Variants in RBKS observed in about 807,000 individuals in gnomAD.
The protein encoded by RBKS is ribokinase.
RBKS carries 33 observed loss-of-function variants against 33.9 expected under a neutral mutation model. The observed-to-expected ratio is 0.97, with a 90% CI of 0.74 to 1.30. The LOEUF is 1.30. Among genes scored for constraint, RBKS ranks in the 50% most tolerant of loss-of-function variants. RBKS has a pLI of 0.00. For missense variants in RBKS, 361 were observed against 392.6 expected, an observed-to-expected ratio of 0.92 and a Z score of 0.68; for synonymous variants, 125 against 143.0, an observed-to-expected ratio of 0.87 and a Z score of 0.90.
intron 5 of RBKS, 99 bp downstream of exon 5, chr2:27,842,968 C>A: frequency 1.2e-6 from 1 of 848,666 alleles, no homozygotes; most frequent in South Asian, 2.8e-5. Context: ...GAATATTTTA[C>A]GACAGAAAGA....
chr2:27,859,730 A>C (rs1335973333), intron 1 of RBKS, among the ~76,000 whole-genome samples: 1 of 152,240 alleles, frequency 6.6e-6, no homozygotes, highest in Non-Finnish European at 1.5e-5. Flanking sequence ...TTAGATAGGA[A>C]AGAAAGGTAA....
At chr2:27,875,998 T>G (rs1246535683) in intron 1 of RBKS, among the ~76,000 whole-genome samples, 1 of 152,158 alleles carries the variant, frequency 6.6e-6, no homozygotes, top group African/African-American at 2.4e-5. Context: ...GTGAGTAAGA[T>G]GCAGAATAGG....
chr2:27,807,905 GAA>G (rs1422428411), intron 7 of RBKS, among the ~76,000 whole-genome samples: 1 of 152,068 alleles, frequency 6.6e-6, no homozygotes, highest in African/African-American at 2.4e-5. Context: ...TCACAGCAGG[GAA>G]AAAAAGAGGT....
At chr2:27,851,749 G>C (rs1663750647) in intron 2 of RBKS, among the ~76,000 whole-genome samples, 1 of 152,020 alleles carries the variant, frequency 6.6e-6, no homozygotes, top group South Asian at 2.1e-4. Flanking sequence ...ATGTTAGCCA[G>C]GGTGGTCTCG....
chr2:27,843,257 T>C (rs1046295354), intron 4 of RBKS, 26 bp from the exon 5 acceptor site: 2 of 1,561,428 alleles, frequency 1.3e-6, no homozygotes, highest in Non-Finnish European at 1.7e-6. Flanking sequence ...ACCTATTATA[T>C]TAAAACTAAA....
At chr2:27,888,621 C>T (rs2148237395) in intron 1 of RBKS, among the ~76,000 whole-genome samples, 1 of 152,096 alleles carries the variant, frequency 6.6e-6, no homozygotes, top group East Asian at 1.9e-4. Context: ...TTAGTAAGTA[C>T]CATATAACCT....
At chr2:27,849,156 A>G (rs950214572) in intron 2 of RBKS, among the ~76,000 whole-genome samples, 2 of 152,184 alleles carry the variant, frequency 1.3e-5, no homozygotes, top group Admixed American at 6.5e-5. Flanking sequence ...CAGCTCTACC[A>G]CTGGGCTTTT....
intron 7 of RBKS, among the ~76,000 whole-genome samples, chr2:27,787,403 A>C (rs1677425319): frequency 1.3e-5 from 2 of 152,196 alleles, no homozygotes; most frequent in African/African-American, 4.8e-5. Context: ...ACTGCACTCC[A>C]GCCTGGGCGA....
At chr2:27,809,743 T>C in intron 7 of RBKS, 5 of 347,116 alleles carry the variant, frequency 1.4e-5, no homozygotes, top group South Asian at 7.2e-5. Flanking sequence ...TGAGAGGTAC[T>C]TGAAATAAAA....
intron 1 of RBKS, chr2:27,889,951 G>A (rs1664681845): frequency 1.0e-5 from 3 of 299,794 alleles, no homozygotes; most frequent in Admixed American, 5.1e-5. Context: ...CTCAGCAGCC[G>A]GGCCAAGAAA....
intron 7 of RBKS, among the ~76,000 whole-genome samples, chr2:27,787,237 G>A (rs962533030): frequency 2.0e-5 from 3 of 152,164 alleles, no homozygotes; most frequent in Non-Finnish European, 4.4e-5. Context: ...AGCAAGACCA[G>A]CCTGGGCAAC....
At chr2:27,804,119 G>C (rs1677853241) in intron 7 of RBKS, among the ~76,000 whole-genome samples, 3 of 152,072 alleles carry the variant, frequency 2.0e-5, no homozygotes, top group Admixed American at 2.0e-4. Flanking sequence ...ATGCAGCAAA[G>C]TTTTGATATT....
At chr2:27,846,641 T>A (rs1057188310) in intron 4 of RBKS, among the ~76,000 whole-genome samples, 3 of 152,244 alleles carry the variant, frequency 2.0e-5, no homozygotes, top group Admixed American at 6.5e-5. Context: ...TCTATAAATA[T>A]GACTCATCAA....
At position 27,847,999 on chromosome 2, in the gene RBKS, A is replaced by G. The variant is rs767217616; in HGVS notation, c.286+35T>C. On this transcript the variant is annotated intron_variant, in intron 3 of 7. Coordinates refer to ENST00000302188, the MANE Select transcript of RBKS (RefSeq NM_022128.3). ...CATAACAAAATCACAGAAAAAAGCT[A>G]TAAACACTAACTTTAAAAAAGGTGG... 13 of 1,189,118 alleles carry G rather than the reference A, an allele frequency of 1.1e-5. No homozygotes were observed. The South Asian group carries it at 1.8e-4, about 16-fold the overall frequency. The allele number at this position is 1,189,118 out of a possible 1,614,324, so 73.7% of individuals were successfully genotyped here.
At chr2:27,851,579 C>T (rs745850132) in intron 2 of RBKS, among the ~76,000 whole-genome samples, 2 of 151,670 alleles carry the variant, frequency 1.3e-5, no homozygotes, top group Non-Finnish European at 2.9e-5. Flanking sequence ...GCTCTTGTTG[C>T]CCAAGCTGGA....
chr2:27,863,586 T>G (rs539037518), intron 1 of RBKS, among the ~76,000 whole-genome samples: 2 of 152,340 alleles, frequency 1.3e-5, no homozygotes, highest in African/African-American at 4.8e-5. Flanking sequence ...AATAGGGGGA[T>G]GAAAAGTCTT....
chr2:27,816,798 T>C (rs4465729), intron 7 of RBKS, among the ~76,000 whole-genome samples: 88,262 of 151,770 alleles, frequency 0.58, 26,953 homozygotes, highest in East Asian at 0.92. Context: ...AGGGTTTCAC[T>C]ATGTTAGCCA....
At chr2:27,832,546 C>G in intron 6 of RBKS, 140 bp downstream of exon 6, 1 of 660,070 alleles carries the variant, frequency 1.5e-6, no homozygotes, top group Non-Finnish European at 2.7e-6. Flanking sequence ...CTCCACACCC[C>G]GGTAAACTGA....
At chr2:27,881,914 C>G (rs1573081234) in intron 1 of RBKS, among the ~76,000 whole-genome samples, 1 of 152,060 alleles carries the variant, frequency 6.6e-6, no homozygotes, top group Admixed American at 6.5e-5. Flanking sequence ...ATACAAAAAT[C>G]GACTGAAGAT....
Sources: allele counts gnomAD v4.1 joint callset (sites outside exome capture counted in the v4.1 genomes callset), GRCh38; gene constraint gnomAD v4.1.1; transcripts MANE v1.5; gene names NCBI Gene and HGNC (gene_info 2026-07-23, HGNC 2026-07-21).